The following OSBPL8 variants were observed in gnomAD, a reference collection of about 807,000 sequenced individuals.
OSBPL8 encodes oxysterol binding protein like 8, also known as oxysterol-binding protein-related protein 8.
OSBPL8 carries 59 observed loss-of-function variants against 125.5 expected under a neutral mutation model. The observed-to-expected ratio is 0.47, with a 90% CI of 0.38 to 0.58. The LOEUF is 0.58. Ranked by LOEUF, OSBPL8 falls within the 20% of genes least tolerant of loss-of-function variation. The pLI is 0.00. For missense variants in OSBPL8, 758 were observed against 1,047.8 expected, an observed-to-expected ratio of 0.72 and a Z score of 3.82; for synonymous variants, 330 against 338.9, an observed-to-expected ratio of 0.97 and a Z score of 0.29.
intron 11 of OSBPL8, 163 bp downstream of exon 11, chr12:76,390,257 T>C: frequency 5.2e-6 from 3 of 578,490 alleles, no homozygotes; most frequent in Non-Finnish European, 9.1e-6. Context: ...ATGTGTTTAG[T>C]TGTTTGTAAA....
rs373192591 is a variant in OSBPL8 at position 76,526,207 on chromosome 12, A to G, written c.-68+33190T>C. On this transcript the variant is annotated intron_variant, in intron 1 of 23. Coordinates refer to ENST00000261183, the MANE Select transcript of OSBPL8 (RefSeq NM_020841.5). ...TGTCGTCTTATGACAGACGTTTTAA[A>G]CAATCCAGGAGGAGAAAACAGATGT... is the stretch of plus-strand genomic sequence containing the variant. 5.3e-5 allele frequency among the ~76,000 whole-genome samples: 8 copies of G among 152,360 alleles called. No homozygotes were observed. In the East Asian group the frequency reaches 1.5e-3, roughly 29 times the overall value.
chr12:76,451,944 C>A (rs150709495), intron 3 of OSBPL8, among the ~76,000 whole-genome samples: 6,917 of 152,128 alleles, frequency 0.045, 507 homozygotes, highest in African/African-American at 0.15. Context: ...CGTGGCGAAA[C>A]CCCGTCTCTA....
intron 2 of OSBPL8, among the ~76,000 whole-genome samples, chr12:76,462,975 C>A (rs1874931465): frequency 6.6e-6 from 1 of 152,132 alleles, no homozygotes; most frequent in Non-Finnish European, 1.5e-5. Flanking sequence ...TTGTATAGGA[C>A]TTTGTAGGGT....
At chr12:76,436,105 G>T (rs74103448) in intron 4 of OSBPL8, among the ~76,000 whole-genome samples, 54 of 152,138 alleles carry the variant, frequency 3.5e-4, no homozygotes, top group Middle Eastern at 3.4e-3. Context: ...ATTCTAGAAC[G>T]GCAAGCCTGA....
chr12:76,486,289 C>A (rs1402045077), intron 2 of OSBPL8, among the ~76,000 whole-genome samples: 2 of 152,158 alleles, frequency 1.3e-5, no homozygotes, highest in Admixed American at 6.5e-5. Context: ...ATTCACTAAA[C>A]TAAAATTTAC....
chr12:76,360,995 C>T (rs1483178880), intron 21 of OSBPL8, among the ~76,000 whole-genome samples: 2 of 152,194 alleles, frequency 1.3e-5, no homozygotes, highest in Non-Finnish European at 2.9e-5. Context: ...TCCCCATTTT[C>T]TTGGGGATTA....
At chr12:76,371,980 C>A (rs1289432415) in intron 18 of OSBPL8, 1 of 155,530 alleles carries the variant, frequency 6.4e-6, no homozygotes, top group Non-Finnish European at 1.4e-5. Flanking sequence ...CATACACACA[C>A]ACACATCCCT....
chr12:76,456,096 C>A (rs1874008352), intron 3 of OSBPL8, among the ~76,000 whole-genome samples: 1 of 152,110 alleles, frequency 6.6e-6, no homozygotes, highest in Non-Finnish European at 1.5e-5. Flanking sequence ...CTGAATTCAA[C>A]TCATCAATAT....
At chr12:76,459,674 T>C (rs1010575145) in intron 3 of OSBPL8, among the ~76,000 whole-genome samples, 185 bp downstream of exon 3, 1 of 152,146 alleles carries the variant, frequency 6.6e-6, no homozygotes, top group African/African-American at 2.4e-5. Flanking sequence ...AGATGGACAA[T>C]GAGAACAGAT....
intron 1 of OSBPL8, among the ~76,000 whole-genome samples, chr12:76,508,755 C>G (rs1319020536): frequency 6.6e-6 from 1 of 152,152 alleles, no homozygotes; most frequent in Non-Finnish European, 1.5e-5. Flanking sequence ...TCACCAGCGC[C>G]TGACAGTTTA....
chr12:76,497,410 A>G (rs1386622509), intron 1 of OSBPL8, among the ~76,000 whole-genome samples: 1 of 152,170 alleles, frequency 6.6e-6, no homozygotes, highest in Non-Finnish European at 1.5e-5. Context: ...TCAGGTTAAC[A>G]TCGCGTGTAA....
chr12:76,556,793 A>G (rs1255906100), intron 1 of OSBPL8, among the ~76,000 whole-genome samples: 1 of 152,046 alleles, frequency 6.6e-6, no homozygotes, highest in Non-Finnish European at 1.5e-5. Context: ...CCTCCCAAGT[A>G]GCTGGGATTA....
intron 3 of OSBPL8, among the ~76,000 whole-genome samples, chr12:76,456,824 C>T (rs903951768): frequency 6.6e-6 from 1 of 151,978 alleles, no homozygotes; most frequent in Non-Finnish European, 1.5e-5. Context: ...CAGTACTATA[C>T]CATATTTATT....
Position 76,352,843 on chromosome 12 carries a change from C to T in OSBPL8, c.*3046G>A, listed in dbSNP as rs1383624608. 1.3e-5 allele frequency: 2 copies of T among 152,482 alleles called. No individual in the cohort carries two copies. The highest frequency in any genetic ancestry group is 4.8e-5 in the African/African-American group (2 of 41,442). The allele number at this position is 152,482 out of a possible 1,614,324, so 9.4% of individuals were successfully genotyped here. ...TTTGTGTGTATATGGCACAAGGTGA[C>T]AGCCAAAAAGTGTGATTCCATCGAA... is the stretch of plus-strand genomic sequence containing the variant. On this transcript the variant is annotated 3_prime_UTR_variant, in exon 24 of 24. Coordinates refer to ENST00000261183, the MANE Select transcript of OSBPL8 (RefSeq NM_020841.5).
At chr12:76,425,510 G>T (rs1381638847) in intron 4 of OSBPL8, among the ~76,000 whole-genome samples, 2 of 152,158 alleles carry the variant, frequency 1.3e-5, no homozygotes, top group African/African-American at 4.8e-5. Flanking sequence ...AATCAAGAAT[G>T]CATGGGGTAC....
chr12:76,425,611 T>A (rs927618383), intron 4 of OSBPL8, among the ~76,000 whole-genome samples: 3 of 152,176 alleles, frequency 2.0e-5, no homozygotes, highest in Non-Finnish European at 2.9e-5. Context: ...GCAAACTGCT[T>A]GGGTGAGCTT....
chr12:76,388,202 C>T (rs554062584), intron 12 of OSBPL8, among the ~76,000 whole-genome samples: 2 of 152,230 alleles, frequency 1.3e-5, no homozygotes, highest in Non-Finnish European at 1.5e-5. Flanking sequence ...TATTACAAAC[C>T]CTGCTGCAAC....
intron 16 of OSBPL8, among the ~76,000 whole-genome samples, chr12:76,376,179 G>A (rs1264908750): frequency 6.6e-6 from 1 of 152,144 alleles, no homozygotes; most frequent in African/African-American, 2.4e-5. Context: ...CAAATAACAA[G>A]AATCAAATGC....
chr12:76,526,908 C>G (rs929501278), intron 1 of OSBPL8, among the ~76,000 whole-genome samples: 3 of 151,830 alleles, frequency 2.0e-5, no homozygotes, highest in African/African-American at 7.3e-5. Context: ...TCTCAGCCTC[C>G]CAAAATGCTG....
Sources: allele counts gnomAD v4.1 joint callset (sites outside exome capture counted in the v4.1 genomes callset), GRCh38; gene constraint gnomAD v4.1.1; transcripts MANE v1.5; gene names NCBI Gene and HGNC (gene_info 2026-07-23, HGNC 2026-07-21).